Variants in TTLL7 observed in about 807,000 individuals in gnomAD.
TTLL7 encodes the protein tubulin tyrosine ligase like 7, also known as tubulin polyglutamylase TTLL7.
TTLL7 carries 53 observed loss-of-function variants against 120.2 expected under a neutral mutation model. That is an observed-to-expected ratio of 0.44 (90% CI 0.35 to 0.55). The LOEUF is 0.55. TTLL7 is among the 20% of genes least tolerant of loss of function. TTLL7 has a pLI of 0.00. For synonymous variants in TTLL7, 353 were observed against 351.7 expected (o/e 1.00, Z -0.04); for missense variants, 803 against 1,054.7 (o/e 0.76, Z 3.31).
intron 20 of TTLL7, among the ~76,000 whole-genome samples, chr1:83,881,918 A>T (rs1362019387): frequency 6.6e-6 from 1 of 151,050 alleles, no homozygotes; most frequent in Admixed American, 6.6e-5. Context: ...ATAAAAAAGG[A>T]TGAGTTCATG....
chr1:83,998,866 G>A (rs1423414984), intron 1 of TTLL7, 65 bp downstream of exon 1: 2 of 346,420 alleles, frequency 5.8e-6, no homozygotes, highest in South Asian at 2.1e-5. Context: ...GGGCCAGGGC[G>A]GAGCCTTTGG....
chr1:83,920,034 T>C (rs999984985), intron 12 of TTLL7, among the ~76,000 whole-genome samples, 200 bp from the exon 13 acceptor site: 1 of 152,164 alleles, frequency 6.6e-6, no homozygotes, highest in Admixed American at 6.6e-5. Flanking sequence ...GCCTAATAGA[T>C]TCACTTAGTA....
chr1:83,969,219 T>C (rs1650753376), intron 1 of TTLL7, among the ~76,000 whole-genome samples: 1 of 151,990 alleles, frequency 6.6e-6, no homozygotes, highest in Middle Eastern at 3.4e-3. Flanking sequence ...AAAATTCAGA[T>C]TTCCAGAGAG....
At chr1:83,996,652 C>G (rs532633309) in intron 1 of TTLL7, among the ~76,000 whole-genome samples, 1 of 152,146 alleles carries the variant, frequency 6.6e-6, no homozygotes, top group African/African-American at 2.4e-5. Flanking sequence ...TAATTACTCA[C>G]GTGTAAGTAA....
intron 1 of TTLL7, among the ~76,000 whole-genome samples, chr1:83,995,394 G>A (rs554282221): frequency 2.0e-5 from 3 of 151,692 alleles, no homozygotes; most frequent in Admixed American, 2.0e-4. Context: ...TTGGCGGTAA[G>A]TGAGCGCTCA....
chr1:83,872,829 A>G (rs1223200662), intron 20 of TTLL7, among the ~76,000 whole-genome samples: 3 of 152,178 alleles, frequency 2.0e-5, no homozygotes, highest in African/African-American at 7.2e-5. Context: ...TCTCATAACA[A>G]TTCTATATGG....
intron 9 of TTLL7, among the ~76,000 whole-genome samples, chr1:83,933,263 G>A (rs1351665079): frequency 1.3e-5 from 2 of 152,152 alleles, no homozygotes; most frequent in African/African-American, 4.8e-5. Context: ...TCACAGAGAG[G>A]AGAGACACTA....
At chr1:83,964,970 AT>A (rs1372729499) in intron 1 of TTLL7, among the ~76,000 whole-genome samples, 1 of 152,126 alleles carries the variant, frequency 6.6e-6, no homozygotes, top group African/African-American at 2.4e-5. Flanking sequence ...TAGAAAAAAA[AT>A]GTGCATTCTT....
Position 83,876,549 on chromosome 1 carries a change from G to A in TTLL7, c.2543+6414C>T, listed in dbSNP as rs568405533. ...ACAGATGTAGGAAATTATTTGAGAAGAACTGACATATCAATAATATTGAGT... is the reference window on the plus strand; with the variant it reads ...ACAGATGTAGGAAATTATTTGAGAAAAACTGACATATCAATAATATTGAGT... On this transcript the variant is annotated intron_variant, in intron 20 of 20. Transcript: ENST00000260505. 3.3e-5 allele frequency among the ~76,000 whole-genome samples: 5 copies of A among 152,030 alleles called. No homozygotes were observed. The East Asian group carries it at 9.7e-4, about 29-fold the overall frequency.
At chr1:83,962,265 A>G (rs1018356597) in intron 1 of TTLL7, among the ~76,000 whole-genome samples, 2 of 152,132 alleles carry the variant, frequency 1.3e-5, no homozygotes, top group African/African-American at 4.8e-5. Context: ...CTTATGTTCC[A>G]TATCTTGGTA....
chr1:83,985,498 T>C (rs984727638), intron 1 of TTLL7, among the ~76,000 whole-genome samples: 1 of 152,146 alleles, frequency 6.6e-6, no homozygotes, highest in African/African-American at 2.4e-5. Flanking sequence ...CCCCTAGAAA[T>C]AATACTTTAC....
Position 83,880,695 on chromosome 1 carries a change from C to T in TTLL7, c.2543+2268G>A, listed in dbSNP as rs141985762. ...ATTAAAACTTAGATTCAATGCCATC[C>T]GCATCAAGCTACCAATGACTTTCCT... On this transcript the variant is annotated intron_variant, in intron 20 of 20. Transcript: ENST00000260505. Among the ~76,000 whole-genome samples, 990 of 152,122 alleles carry T rather than the reference C, an allele frequency of 6.5e-3. 12 individuals are homozygous for T. Among genetic ancestry groups the T allele is most frequent in the African/African-American group, 0.023 (944 of 41,500 alleles).
rs1438050425 is a variant in TTLL7 at position 83,942,570 on chromosome 1, T to A, written c.616A>T (p.Ile206Phe). The change falls in exon 7 of 21, where the codon ATT (isoleucine) becomes TTT (phenylalanine). Residue 206 changes from isoleucine (I) to phenylalanine (F), a missense_variant. By Grantham distance (21) the Ile-to-Phe change is conservative. Transcript: ENST00000260505. Reference protein sequence around the residue: ...LMEGYKFDLRIYILVTSCDPL... With the variant: ...LMEGYKFDLRFYILVTSCDPL... ...TCACACGATGTAACCAGAATATAAATTCGTAAGTCAAACTTGTAACCTTCC... is the reference window on the plus strand; with the variant it reads ...TCACACGATGTAACCAGAATATAAAATCGTAAGTCAAACTTGTAACCTTCC... 1.2e-6 allele frequency: 2 copies of A among 1,614,006 alleles called. No homozygotes were observed. Among genetic ancestry groups the A allele is most frequent in the East Asian group, 4.5e-5 (2 of 44,858 alleles).
rs1345920919 is a variant in TTLL7 at position 83,951,883 on chromosome 1, G to T, written c.119C>A (p.Thr40Asn). 6.2e-7 allele frequency: 1 copy of T among 1,613,134 alleles called. No individual in the cohort carries two copies. The highest frequency in any genetic ancestry group is 8.5e-7 in the Non-Finnish European group (1 of 1,179,660). The change falls in exon 3 of 21, where the codon ACC (threonine) becomes AAC (asparagine). Residue 40 changes from threonine to asparagine, a missense_variant. Coordinates refer to ENST00000260505, the MANE Select transcript of TTLL7 (RefSeq NM_024686.6). ...TGTCCCGGCAACATTTGCTGTAATGGTTCCCTTCTTTTTCTTCTTTCTGAC... is the reference window on the plus strand; with the variant it reads ...TGTCCCGGCAACATTTGCTGTAATGTTTCCCTTCTTTTTCTTCTTTCTGAC... Reference protein sequence around the residue: ...RKVRKKKKKGTITANVAGTKF... With the variant: ...RKVRKKKKKGNITANVAGTKF...
chr1:83,875,713 A>G (rs1221125286), intron 20 of TTLL7, among the ~76,000 whole-genome samples: 2 of 151,884 alleles, frequency 1.3e-5, no homozygotes, highest in Admixed American at 6.6e-5. Context: ...CCTGATTATT[A>G]GCTTAAACAC....
chr1:83,893,324 A>G (rs530342361), intron 18 of TTLL7, among the ~76,000 whole-genome samples: 1 of 152,182 alleles, frequency 6.6e-6, no homozygotes, highest in Admixed American at 6.6e-5. Context: ...TCTAATTCAC[A>G]TGTACTTGAT....
chr1:83,948,597 G>A (rs751429006), intron 5 of TTLL7, 31 bp downstream of exon 5: 8 of 1,453,534 alleles, frequency 5.5e-6, no homozygotes, highest in South Asian at 3.5e-5. Flanking sequence ...TTTTGAACAG[G>A]TCTTCTCCAT....
chr1:83,929,322 A>G (rs1296908203), intron 9 of TTLL7, 92 bp from the exon 10 acceptor site: 56 of 865,046 alleles, frequency 6.5e-5, no homozygotes. Flanking sequence ...CAGTAGAACA[A>G]CTCTACATTA....
intron 19 of TTLL7, among the ~76,000 whole-genome samples, chr1:83,884,861 C>T (rs1181539627): frequency 6.6e-6 from 1 of 151,412 alleles, no homozygotes; most frequent in Non-Finnish European, 1.5e-5. Context: ...TACCCTAAAA[C>T]TTAAAGTATA....
Sources: allele counts gnomAD v4.1 joint callset (sites outside exome capture counted in the v4.1 genomes callset), GRCh38; gene constraint gnomAD v4.1.1; transcripts MANE v1.5; gene names NCBI Gene and HGNC (gene_info 2026-07-23, HGNC 2026-07-21).